The following WDPCP variants were observed in gnomAD, a reference collection of about 807,000 sequenced individuals.
WDPCP encodes the protein WD repeat-containing and planar cell polarity effector protein fritz homolog.
WDPCP carries 71 observed loss-of-function variants against 93.1 expected under a neutral mutation model. The ratio of observed to expected loss-of-function variants is 0.76; its 90% confidence interval spans 0.63 to 0.93. WDPCP has a LOEUF of 0.93. Ranked by LOEUF, WDPCP falls within the 40% of genes least tolerant of loss-of-function variation. The pLI is 0.00. For synonymous variants in WDPCP, 315 were observed against 315.0 expected (o/e 1.00, Z 0.00); for missense variants, 844 against 887.4 (o/e 0.95, Z 0.62).
chr2:63,383,820 A>G (rs1403504122), intron 10 of WDPCP, among the ~76,000 whole-genome samples: 1 of 152,204 alleles, frequency 6.6e-6, no homozygotes, highest in African/African-American at 2.4e-5. Flanking sequence ...CTTGAAAAAC[A>G]CTATCAATGA....
chr2:63,731,545 T>G (rs193091342), intron 2 of WDPCP, among the ~76,000 whole-genome samples: 6 of 152,126 alleles, frequency 3.9e-5, no homozygotes, highest in Admixed American at 2.0e-4. Flanking sequence ...ATTAGGAAAG[T>G]TGGCAAAATG....
chr2:63,326,365 G>C (rs1416791723), intron 12 of WDPCP, among the ~76,000 whole-genome samples: 2 of 152,160 alleles, frequency 1.3e-5, no homozygotes, highest in Non-Finnish European at 2.9e-5. Flanking sequence ...TTTGTGGAGA[G>C]TGGGATGCAA....
chr2:63,395,296 T>C (rs781286891), intron 10 of WDPCP, among the ~76,000 whole-genome samples: 17 of 152,184 alleles, frequency 1.1e-4, no homozygotes, highest in Non-Finnish European at 2.1e-4. Flanking sequence ...ACATATTGCA[T>C]TGATGAAGTC....
chr2:63,142,778 T>C (rs1341235311), intron 17 of WDPCP, among the ~76,000 whole-genome samples: 1 of 151,920 alleles, frequency 6.6e-6, no homozygotes, highest in Non-Finnish European at 1.5e-5. Flanking sequence ...TTAGGTCTAT[T>C]AGTAATTGTT....
At chr2:63,445,014 A>G (rs1380216529) in intron 6 of WDPCP, among the ~76,000 whole-genome samples, 2 of 152,172 alleles carry the variant, frequency 1.3e-5, no homozygotes, top group African/African-American at 2.4e-5. Context: ...TCTTAACCCT[A>G]AAGTCTACAG....
rs539259852 is a variant in WDPCP at position 63,452,752 on chromosome 2, C to G, written c.385-12881G>C. Reference sequence around the variant, plus strand: ...ACTGGTACCAAAACAGAGATATAGACCATTGGAACAGAACAGAGCCCTCAG... The same window carrying G: ...ACTGGTACCAAAACAGAGATATAGAGCATTGGAACAGAACAGAGCCCTCAG... On this transcript the variant is annotated intron_variant, in intron 6 of 17. Coordinates refer to ENST00000272321, the MANE Select transcript of WDPCP (RefSeq NM_015910.7). Among the ~76,000 whole-genome samples the G allele has an allele frequency of 9.2e-4, 140 of 152,164 alleles. No homozygotes were observed. The Middle Eastern group carries it at 0.01, about 11-fold the overall frequency.
chr2:63,401,000 T>G (rs1275718021), intron 10 of WDPCP, among the ~76,000 whole-genome samples: 2 of 152,058 alleles, frequency 1.3e-5, no homozygotes, highest in Admixed American at 6.6e-5. Flanking sequence ...TAACTCAAAA[T>G]GGATAAAGGA....
chr2:63,643,935 A>G, intron 3 of WDPCP: 2 of 498,398 alleles, frequency 4.0e-6, no homozygotes, highest in Non-Finnish European at 8.1e-6. Flanking sequence ...TACTTTCTCA[A>G]CTTGTGGGAA....
At chr2:63,624,879 A>G (rs1709791385) in intron 3 of WDPCP, among the ~76,000 whole-genome samples, 1 of 152,238 alleles carries the variant, frequency 6.6e-6, no homozygotes, top group Non-Finnish European at 1.5e-5. Context: ...CAACAAAAAA[A>G]GAAAATTTCA....
At chr2:63,822,081 T>C (rs764768328) in intron 1 of WDPCP, among the ~76,000 whole-genome samples, 2 of 152,192 alleles carry the variant, frequency 1.3e-5, no homozygotes, top group African/African-American at 2.4e-5. Flanking sequence ...AGGGAAAATA[T>C]GGGGAATAAT....
chr2:63,644,736 G>A (rs1710029059), intron 3 of WDPCP, among the ~76,000 whole-genome samples: 1 of 152,052 alleles, frequency 6.6e-6, no homozygotes, highest in Non-Finnish European at 1.5e-5. Context: ...TTCAATCTTG[G>A]TATGTGGTAT....
intron 1 of WDPCP, among the ~76,000 whole-genome samples, chr2:63,535,910 G>T (rs1035780399): frequency 3.3e-5 from 5 of 152,086 alleles, no homozygotes; most frequent in Admixed American, 6.6e-5. Flanking sequence ...GAAACTACCA[G>T]CAGAGTGAAC....
At chr2:63,761,394 A>C (rs1367544531) in intron 2 of WDPCP, among the ~76,000 whole-genome samples, 1 of 152,182 alleles carries the variant, frequency 6.6e-6, no homozygotes, top group Non-Finnish European at 1.5e-5. Context: ...AGCCTTTGGC[A>C]TCCTGTTATA....
At chr2:63,632,299 C>T (rs375543841) in intron 3 of WDPCP, among the ~76,000 whole-genome samples, 1 of 152,148 alleles carries the variant, frequency 6.6e-6, no homozygotes, top group East Asian at 1.9e-4. Flanking sequence ...CATACACAGA[C>T]ATCAACATGA....
chr2:63,702,026 G>C (rs1039659950), intron 2 of WDPCP, among the ~76,000 whole-genome samples: 1 of 152,056 alleles, frequency 6.6e-6, no homozygotes, highest in Admixed American at 6.6e-5. Flanking sequence ...ATAAAGAAAA[G>C]ACGATTTTTT....
At chr2:63,228,392 T>TC (rs1392952467) in intron 14 of WDPCP, 6 of 146,096 alleles carry the variant, frequency 4.1e-5, no homozygotes, top group Admixed American at 4.0e-4. Flanking sequence ...TTTTTCTTTT[T>TC]TTTTTTTTTT....
chr2:63,608,041 C>T (rs1709572666), intron 3 of WDPCP, among the ~76,000 whole-genome samples: 1 of 151,906 alleles, frequency 6.6e-6, no homozygotes, highest in East Asian at 1.9e-4. Flanking sequence ...ACATTACCTA[C>T]GTTGAACAAA....
At chr2:63,751,566 T>C in intron 2 of WDPCP, 1 of 406,218 alleles carries the variant, frequency 2.5e-6, no homozygotes, top group East Asian at 6.8e-5. Context: ...CATGTCTTTT[T>C]TTTTATAGCA....
intron 14 of WDPCP, among the ~76,000 whole-genome samples, chr2:63,201,955 G>A (rs1237839359): frequency 6.6e-6 from 1 of 151,750 alleles, no homozygotes; most frequent in African/African-American, 2.4e-5. Flanking sequence ...TTTGGGATTT[G>A]TTAGTTCTGT....
Sources: allele counts gnomAD v4.1 joint callset (sites outside exome capture counted in the v4.1 genomes callset), GRCh38; gene constraint gnomAD v4.1.1; transcripts MANE v1.5; gene names NCBI Gene and HGNC (gene_info 2026-07-23, HGNC 2026-07-21).